The following CNTN5 variants were observed in gnomAD, a reference collection of about 807,000 sequenced individuals.
CNTN5 encodes the protein contactin 5.
CNTN5 carries 77 observed loss-of-function variants against 129.1 expected under a neutral mutation model. The observed-to-expected ratio is 0.60, with a 90% CI of 0.50 to 0.72. CNTN5 has a LOEUF of 0.72. Among genes scored for constraint, CNTN5 ranks in the 30% least tolerant of loss-of-function variants. The pLI is 0.00. For missense variants in CNTN5, 1,478 were observed against 1,328.8 expected (o/e 1.11, Z -1.75); for synonymous variants, 509 against 465.6 (o/e 1.09, Z -1.20).
intron 3 of CNTN5, among the ~76,000 whole-genome samples, chr11:99,713,354 G>A (rs1955081994): frequency 6.6e-6 from 1 of 152,068 alleles, no homozygotes; most frequent in African/African-American, 2.4e-5. Flanking sequence ...TTTGTATCCT[G>A]AGACTTTGCT....
At chr11:99,911,753 G>T (rs58897916) in intron 6 of CNTN5, among the ~76,000 whole-genome samples, 1 of 142,516 alleles carries the variant, frequency 7.0e-6, no homozygotes, top group African/African-American at 2.6e-5. Flanking sequence ...AAAAAAAAAA[G>T]AAAAATAACT....
At chr11:99,354,514 G>T (rs1938508667) in intron 2 of CNTN5, among the ~76,000 whole-genome samples, 1 of 152,162 alleles carries the variant, frequency 6.6e-6, no homozygotes, top group African/African-American at 2.4e-5. Flanking sequence ...TTGAAATGCG[G>T]ATAATTTTTC....
Position 99,725,834 on chromosome 11 carries a change from C to G in CNTN5, c.56-93710C>G, listed in dbSNP as rs144017534. 4.3e-3 allele frequency among the ~76,000 whole-genome samples: 654 copies of G among 152,132 alleles called. 3 individuals are homozygous for G. Among genetic ancestry groups the G allele is most frequent in the African/African-American group, 0.015 (623 of 41,452 alleles). Reference sequence around the variant, plus strand: ...TTGTACCAGCTTTATTAAACACAAGCAATACACTGCAGATTTTGATGACCA... The same window carrying G: ...TTGTACCAGCTTTATTAAACACAAGGAATACACTGCAGATTTTGATGACCA... On this transcript the variant is annotated intron_variant, in intron 3 of 24. Coordinates refer to ENST00000524871, the MANE Select transcript of CNTN5 (RefSeq NM_014361.4).
chr11:99,830,040 A>G (rs1402462896), intron 4 of CNTN5, among the ~76,000 whole-genome samples: 2 of 152,094 alleles, frequency 1.3e-5, no homozygotes, highest in East Asian at 3.9e-4. Flanking sequence ...TTGTGATGAG[A>G]TGGTTAGGTT....
chr11:100,008,263 T>A (rs1940314033), intron 9 of CNTN5, among the ~76,000 whole-genome samples: 1 of 152,102 alleles, frequency 6.6e-6, no homozygotes, highest in Admixed American at 6.6e-5. Context: ...TGCCAGTAGA[T>A]TTGCTTGACA....
At chr11:99,582,595 C>A (rs553705892) in intron 3 of CNTN5, among the ~76,000 whole-genome samples, 2 of 152,184 alleles carry the variant, frequency 1.3e-5, no homozygotes, top group East Asian at 1.9e-4. Flanking sequence ...ATCGCTGATA[C>A]CCTTTCTTCC....
At position 100,356,320 on chromosome 11, in the gene CNTN5, G is replaced by A; in HGVS notation, c.*100G>A. Reference sequence around the variant, plus strand: ...AACCAGGATCCTGAGATGAGCTTGAGCTTTAAAAACTTGGGACTATACATG... The same window carrying A: ...AACCAGGATCCTGAGATGAGCTTGAACTTTAAAAACTTGGGACTATACATG... On this transcript the variant is annotated 3_prime_UTR_variant, in exon 25 of 25. Coordinates refer to ENST00000524871, the MANE Select transcript of CNTN5 (RefSeq NM_014361.4). 1 of 834,528 alleles carries A rather than the reference G, an allele frequency of 1.2e-6. No individual in the cohort carries two copies. The highest frequency in any genetic ancestry group is 2.0e-5 in the Admixed American group (1 of 49,310). The allele number at this position is 834,528 out of a possible 1,614,324, so 51.7% of individuals were successfully genotyped here. A position where few individuals can be genotyped will look rare whatever the true frequency, so the allele number is the denominator to read the frequency against.
Position 99,375,944 on chromosome 11 carries a change from A to G in CNTN5, c.-71+50460A>G, listed in dbSNP as rs375768501. On this transcript the variant is annotated intron_variant, in intron 2 of 24. Coordinates refer to ENST00000524871, the MANE Select transcript of CNTN5 (RefSeq NM_014361.4). Reference sequence around the variant, plus strand: ...ATATTTAATCTACCACAAATGGAATATCGACTTGGATCATAAAATTACCTG... The same window carrying G: ...ATATTTAATCTACCACAAATGGAATGTCGACTTGGATCATAAAATTACCTG... 7.9e-5 allele frequency among the ~76,000 whole-genome samples: 12 copies of G among 152,346 alleles called. No individual in the cohort carries two copies. The East Asian group carries it at 1.2e-3, about 15-fold the overall frequency.
At chr11:99,840,594 C>T (rs566790745) in intron 4 of CNTN5, among the ~76,000 whole-genome samples, 7 of 151,836 alleles carry the variant, frequency 4.6e-5, no homozygotes, top group African/African-American at 1.7e-4. Context: ...GTTCAGCCAA[C>T]TACAGATACC....
chr11:100,051,683 T>C (rs1942962327), intron 9 of CNTN5, among the ~76,000 whole-genome samples: 2 of 151,868 alleles, frequency 1.3e-5, no homozygotes, highest in Non-Finnish European at 2.9e-5. Flanking sequence ...AAATCTCATT[T>C]TTAGAAAATA....
At chr11:99,664,960 T>C (rs623281) in intron 3 of CNTN5, among the ~76,000 whole-genome samples, 93,838 of 152,008 alleles carry the variant, frequency 0.62, 29,883 homozygotes, top group Non-Finnish European at 0.7. Flanking sequence ...GCACTAAAGC[T>C]GCTTTATCAG....
chr11:99,375,260 G>C (rs1407240590), intron 2 of CNTN5, among the ~76,000 whole-genome samples: 1 of 125,680 alleles, frequency 8.0e-6, no homozygotes. Context: ...TGTAGATCAC[G>C]CCACAGCACT....
rs972020856 is a variant in CNTN5, at chr11:100,308,908, A to G, written c.2730+440A>G. The stretch of plus-strand genomic sequence containing the variant: ...GAATTTAATGATCTGTATTGTATCT[A>G]TGTATTCAGATAGTTTTTTTGGTCC... On this transcript the variant is annotated intron_variant, in intron 21 of 24. Transcript: ENST00000524871. 1.4e-5 allele frequency: 14 copies of G among 980,250 alleles called. No individual in the cohort carries two copies. The African/African-American group carries it at 1.9e-4, about 13-fold the overall frequency. The allele number at this position is 980,250 out of a possible 1,614,324, so 60.7% of individuals were successfully genotyped here.
chr11:99,341,150 A>G (rs967959997), intron 2 of CNTN5, among the ~76,000 whole-genome samples: 2 of 152,180 alleles, frequency 1.3e-5, no homozygotes, highest in African/African-American at 4.8e-5. Context: ...TGTAACTGGA[A>G]GAGAGGCTTC....
At chr11:99,438,255 T>G (rs2135135220) in intron 2 of CNTN5, among the ~76,000 whole-genome samples, 1 of 152,320 alleles carries the variant, frequency 6.6e-6, no homozygotes, top group East Asian at 1.9e-4. Context: ...CAGGAATCTT[T>G]TTTTAAAATA....
intron 3 of CNTN5, among the ~76,000 whole-genome samples, chr11:99,812,699 T>C (rs1010891790): frequency 6.6e-5 from 10 of 152,080 alleles, no homozygotes; most frequent in Non-Finnish European, 1.3e-4. Context: ...GGAACCTCTA[T>C]TGCAAACAGA....
At chr11:99,923,336 C>T (rs887190844) in intron 7 of CNTN5, among the ~76,000 whole-genome samples, 14 of 152,108 alleles carry the variant, frequency 9.2e-5, no homozygotes, top group South Asian at 2.1e-4. Context: ...TGCCAAAAAA[C>T]GTGTTTTTCA....
chr11:99,270,192 A>C (rs1041664722), intron 1 of CNTN5, among the ~76,000 whole-genome samples: 1 of 151,898 alleles, frequency 6.6e-6, no homozygotes, highest in African/African-American at 2.4e-5. Flanking sequence ...GTTATGAGAT[A>C]AAATGTTATG....
At chr11:100,094,260 CT>C (rs1944905275) in intron 13 of CNTN5, among the ~76,000 whole-genome samples, 1 of 152,078 alleles carries the variant, frequency 6.6e-6, no homozygotes, top group African/African-American at 2.4e-5. Context: ...AAAACTTCTT[CT>C]TTCTCCACCT....
Sources: gnomAD v4.1 joint callset for allele counts (sites outside exome capture counted in the v4.1 genomes callset) on GRCh38, gnomAD v4.1.1 for gene constraint, MANE v1.5 for transcripts, NCBI Gene and HGNC (gene_info 2026-07-23, HGNC 2026-07-21) for gene names.